DNAH5: variants seen among roughly 807,000 people sequenced by gnomAD.
DNAH5 encodes axonemal beta dynein heavy chain 5.
A neutral mutation model predicts 518.2 loss-of-function variants in DNAH5; 372 were observed. The observed-to-expected ratio is 0.72, with a 90% CI of 0.66 to 0.78. The LOEUF (loss-of-function observed/expected upper bound fraction) is 0.78. Among genes scored for constraint, DNAH5 ranks in the 30% least tolerant of loss-of-function variants. The pLI is 0.00. For missense variants in DNAH5, 5,523 were observed against 5,687.0 expected (o/e 0.97, Z 0.93); for synonymous variants, 2,039 against 2,025.9 (o/e 1.01, Z -0.17).
At chr5:13,801,240 C>T (rs776137729) in intron 47 of DNAH5, among the ~76,000 whole-genome samples, 13 of 152,130 alleles carry the variant, frequency 8.5e-5, no homozygotes, top group African/African-American at 1.4e-4. Context: ...TGAGTTCTCA[C>T]GAGATCTGGT....
At chr5:13,862,171 C>CA (rs74894365) in intron 29 of DNAH5, among the ~76,000 whole-genome samples, 59,799 of 151,788 alleles carry the variant, frequency 0.39, 11,925 homozygotes, top group South Asian at 0.47. Flanking sequence ...TTGTCAGCAG[C>CA]AAGCTGAAAT....
chr5:13,814,043 A>T (rs1761085157), intron 43 of DNAH5, among the ~76,000 whole-genome samples: 1 of 152,200 alleles, frequency 6.6e-6, no homozygotes, highest in Non-Finnish European at 1.5e-5. Flanking sequence ...TATTTATAAT[A>T]TAATTTTGAT....
intron 61 of DNAH5, among the ~76,000 whole-genome samples, chr5:13,757,150 A>G (rs949228188): frequency 6.6e-6 from 1 of 152,226 alleles, no homozygotes; most frequent in Non-Finnish European, 1.5e-5. Flanking sequence ...TATTGTGAAC[A>G]GGGCAGCAAT....
At chr5:13,729,378 G>A in intron 69 of DNAH5, 61 bp downstream of exon 69, 4 of 1,605,268 alleles carry the variant, frequency 2.5e-6, no homozygotes, top group Non-Finnish European at 3.4e-6. Context: ...ATTGTACCTA[G>A]TGATAAATCA....
At chr5:13,891,142 AAAT>A in intron 16 of DNAH5, 21 bp from the exon 17 acceptor site, 1 of 1,613,612 alleles carries the variant, frequency 6.2e-7, no homozygotes. Flanking sequence ...AAATAAAAGT[AAAT>A]AAAAGAGATT....
chr5:13,865,643 G>T (rs200758575), intron 27 of DNAH5, 25 bp downstream of exon 27: 1 of 1,367,838 alleles, frequency 7.3e-7, no homozygotes, highest in Non-Finnish European at 1.0e-6. Flanking sequence ...CAATTGCTGG[G>T]CATGCTAAAC....
At chr5:13,822,824 G>A (rs1209121888) in intron 40 of DNAH5, among the ~76,000 whole-genome samples, 1 of 151,948 alleles carries the variant, frequency 6.6e-6, no homozygotes, top group Non-Finnish European at 1.5e-5. Flanking sequence ...CAGAGTCTGA[G>A]CAAGAAGCCA....
intron 38 of DNAH5, among the ~76,000 whole-genome samples, chr5:13,826,252 G>A (rs1762874669): frequency 6.6e-6 from 1 of 152,220 alleles, no homozygotes; most frequent in Admixed American, 6.5e-5. Context: ...ATGGGTGGTA[G>A]GAGTGAGGGA....
chr5:13,866,561 A>G (rs1368606035), intron 25 of DNAH5, among the ~76,000 whole-genome samples: 1 of 152,170 alleles, frequency 6.6e-6, no homozygotes, highest in Admixed American at 6.5e-5. Flanking sequence ...AGAGGAGTCA[A>G]TGCCTGTTCT....
At chr5:13,725,760 T>A (rs1227285925) in intron 70 of DNAH5, among the ~76,000 whole-genome samples, 3 of 152,192 alleles carry the variant, frequency 2.0e-5, no homozygotes, top group African/African-American at 7.2e-5. Flanking sequence ...GTTCAAGCGA[T>A]TCTCCTGCCT....
chr5:13,696,639 T>C (rs919406240), intron 78 of DNAH5, among the ~76,000 whole-genome samples: 1 of 152,218 alleles, frequency 6.6e-6, no homozygotes, highest in African/African-American at 2.4e-5. Flanking sequence ...TTAATGATGC[T>C]ACACACCCCT....
intron 1 of DNAH5, among the ~76,000 whole-genome samples, chr5:13,983,492 C>G (rs990610162): frequency 6.6e-6 from 1 of 152,206 alleles, no homozygotes; most frequent in Non-Finnish European, 1.5e-5. Flanking sequence ...CAAGAATACA[C>G]AAACACATTC....
chr5:13,872,932 A>G (rs753605279), intron 22 of DNAH5, among the ~76,000 whole-genome samples: 5 of 152,168 alleles, frequency 3.3e-5, no homozygotes, highest in Admixed American at 6.6e-5. Flanking sequence ...AGAATGATAG[A>G]TAATAGAGAC....
At chr5:13,965,342 G>C (rs750137) in intron 1 of DNAH5, among the ~76,000 whole-genome samples, 54,865 of 151,958 alleles carry the variant, frequency 0.36, 11,671 homozygotes, top group South Asian at 0.48. Context: ...CATGTAAACT[G>C]AGTTCTTCTA....
At position 13,830,065 on chromosome 5, in the gene DNAH5, A is replaced by G; in HGVS notation, c.6210T>C (p.Asn2070=). 1 of 1,614,136 alleles carries G rather than the reference A, an allele frequency of 6.2e-7. No individual in the cohort carries two copies. Among genetic ancestry groups the G allele is most frequent in the Non-Finnish European group, 8.5e-7 (1 of 1,179,994 alleles). ...KKSFIFTDGD[N]VTMNPEFGLF... The stretch of plus-strand genomic sequence containing the variant: ...GCCCAAATTCAGGGTTCATAGTCAC[A>G]TTATCTCCATCAGTAAAGATAAAAG... The change falls in exon 37 of 79, where the codon AAT becomes AAC. Residue 2070 remains asparagine (N), a synonymous_variant. Coordinates refer to ENST00000265104, the MANE Select transcript of DNAH5 (RefSeq NM_001369.3).
At position 13,889,836 on chromosome 5, in the gene DNAH5, G is replaced by A. The variant is rs112539753; in HGVS notation, c.2577+1140C>T. 1.1e-3 allele frequency among the ~76,000 whole-genome samples: 167 copies of A among 152,216 alleles called. 1 individual carries two copies. The highest frequency in any genetic ancestry group is 3.8e-3 in the African/African-American group (157 of 41,528). ...CACCTGTCTTTGTTCCTTATGATCCGGCTGCATCTCTTAACTATGTCAGGG... is the reference window on the plus strand; with the variant it reads ...CACCTGTCTTTGTTCCTTATGATCCAGCTGCATCTCTTAACTATGTCAGGG... On this transcript the variant is annotated intron_variant, in intron 17 of 78. Coordinates refer to ENST00000265104, the MANE Select transcript of DNAH5 (RefSeq NM_001369.3).
chr5:13,968,551 T>A (rs1781679826), intron 1 of DNAH5, among the ~76,000 whole-genome samples: 1 of 152,224 alleles, frequency 6.6e-6, no homozygotes, highest in Admixed American at 6.5e-5. Flanking sequence ...CCAATGCTTT[T>A]TCTGCATCTA....
intron 65 of DNAH5, among the ~76,000 whole-genome samples, chr5:13,747,831 G>A (rs1185022359): frequency 9.9e-5 from 15 of 152,132 alleles, no homozygotes; most frequent in Admixed American, 5.9e-4. Context: ...CATTCTGTAG[G>A]TTGCCTGTTC....
chr5:13,754,591 T>C (rs1348499698), intron 61 of DNAH5, among the ~76,000 whole-genome samples: 1 of 152,102 alleles, frequency 6.6e-6, no homozygotes, highest in East Asian at 1.9e-4. Context: ...CAGGCTGCAG[T>C]GCAATGGCAT....
Sources: allele counts gnomAD v4.1 joint callset (sites outside exome capture counted in the v4.1 genomes callset), GRCh38; gene constraint gnomAD v4.1.1; transcripts MANE v1.5; gene names NCBI Gene and HGNC (gene_info 2026-07-23, HGNC 2026-07-21).